RBFOX1: variants seen among roughly 807,000 people sequenced by gnomAD.
The protein encoded by RBFOX1 is RNA binding protein fox-1 homolog 1.
Under a neutral mutation model 57.7 loss-of-function variants are expected in RBFOX1, and 8 were observed. The observed-to-expected ratio is 0.14, with a 90% CI of 0.08 to 0.25. The LOEUF (loss-of-function observed/expected upper bound fraction) is 0.25. Ranked by LOEUF, RBFOX1 falls within the 10% of genes least tolerant of loss-of-function variation. The pLI is 1.00. For synonymous variants in RBFOX1, 326 were observed against 222.4 expected (o/e 1.47, Z -4.15); for missense variants, 611 against 548.5 (o/e 1.11, Z -1.14).
At chr16:5,753,666 T>G (rs1293354010) in intron 3 of RBFOX1, among the ~76,000 whole-genome samples, 1 of 152,148 alleles carries the variant, frequency 6.6e-6, no homozygotes, top group East Asian at 1.9e-4. Flanking sequence ...AGGGAGTATT[T>G]ATACCACAGA....
At chr16:7,336,314 C>A (rs910042662) in intron 4 of RBFOX1, among the ~76,000 whole-genome samples, 2 of 152,130 alleles carry the variant, frequency 1.3e-5, no homozygotes, top group Non-Finnish European at 2.9e-5. Context: ...AAGTGTGGAC[C>A]CTCACCCCTC....
chr16:7,390,981 C>T (rs977910168), intron 4 of RBFOX1, among the ~76,000 whole-genome samples: 1 of 152,034 alleles, frequency 6.6e-6, no homozygotes, highest in Non-Finnish European at 1.5e-5. Context: ...AGGGAGTTTC[C>T]TGGAGGGTGT....
intron 3 of RBFOX1, among the ~76,000 whole-genome samples, chr16:5,628,418 G>A (rs2048406885): frequency 6.6e-6 from 1 of 152,142 alleles, no homozygotes; most frequent in African/African-American, 2.4e-5. Context: ...GGAGCTCTGA[G>A]TTTTGGGGAT....
intron 1 of RBFOX1, among the ~76,000 whole-genome samples, chr16:5,258,718 C>G (rs1043668774): frequency 1.3e-5 from 2 of 152,098 alleles, no homozygotes; most frequent in East Asian, 1.9e-4. Flanking sequence ...GAGTTCAAGA[C>G]CATCCTGACC....
intron 11 of RBFOX1, among the ~76,000 whole-genome samples, chr16:7,653,267 G>C (rs987415985): frequency 2.6e-5 from 4 of 152,080 alleles, no homozygotes; most frequent in African/African-American, 9.7e-5. Context: ...TTGGGAGGTG[G>C]AGACAGGAGG....
Position 6,204,673 on chromosome 16 carries a change from T to C in RBFOX1, c.-126-112322T>C, listed in dbSNP as rs146200039. The stretch of plus-strand genomic sequence containing the variant: ...TCCTTAAAATGAGCCATTTATGGGG[T>C]AAAGAAAAGCTGATCAAATTGAGAT... On this transcript the variant is annotated intron_variant, in intron 1 of 15. Coordinates refer to ENST00000550418, the MANE Select transcript of RBFOX1 (RefSeq NM_018723.4). Among the ~76,000 whole-genome samples the C allele has an allele frequency of 4.7e-3, 721 of 152,234 alleles. 3 individuals are homozygous for C. Among genetic ancestry groups the C allele is most frequent in the African/African-American group, 0.016 (680 of 41,552 alleles).
intron 1 of RBFOX1, among the ~76,000 whole-genome samples, chr16:6,137,889 C>T (rs1198930736): frequency 6.6e-6 from 1 of 152,106 alleles, no homozygotes; most frequent in African/African-American, 2.4e-5. Flanking sequence ...GGATCACAGA[C>T]ATGAACCCGT....
chr16:6,446,787 G>C (rs2094494966), intron 2 of RBFOX1, among the ~76,000 whole-genome samples: 1 of 152,086 alleles, frequency 6.6e-6, no homozygotes, highest in African/African-American at 2.4e-5. Flanking sequence ...AATAAGGGCT[G>C]AAAGAAAACC....
At chr16:6,632,713 C>G (rs1020646355) in intron 2 of RBFOX1, among the ~76,000 whole-genome samples, 4 of 152,218 alleles carry the variant, frequency 2.6e-5, no homozygotes, top group Admixed American at 6.5e-5. Flanking sequence ...CCAGGCCTAA[C>G]CAACCTGGAA....
intron 4 of RBFOX1, among the ~76,000 whole-genome samples, chr16:7,469,901 A>G (rs1035444799): frequency 3.3e-5 from 5 of 152,134 alleles, no homozygotes; most frequent in African/African-American, 9.7e-5. Context: ...TGACTACGCT[A>G]AGTACCTCAT....
chr16:6,272,191 A>C (rs949237336), intron 1 of RBFOX1, among the ~76,000 whole-genome samples: 3 of 152,180 alleles, frequency 2.0e-5, no homozygotes, highest in African/African-American at 7.2e-5. Flanking sequence ...TGAAGAGAAA[A>C]ATCATTCACC....
At chr16:6,734,997 T>A (rs1345565774) in intron 3 of RBFOX1, among the ~76,000 whole-genome samples, 1 of 152,102 alleles carries the variant, frequency 6.6e-6, no homozygotes, top group Non-Finnish European at 1.5e-5. Flanking sequence ...TAAAGTAGCC[T>A]GTTGTGGTAG....
intron 3 of RBFOX1, among the ~76,000 whole-genome samples, chr16:6,668,153 C>T (rs569736068): frequency 6.1e-4 from 93 of 152,254 alleles, no homozygotes; most frequent in Admixed American, 1.6e-3. Flanking sequence ...GAGTTGAGAG[C>T]ATAAGTAAAG....
chr16:5,821,288 C>CTTTTTTTTTTTTTTTTTTTTTTTTTTT lies in RBFOX1; in HGVS notation c.319-46008_319-46007insTTTTTTTTTTTTTTTTTTTTTTTTTTT, dbSNP rs748095632. ...GGAAGTGGGCTGTCTGTCATTCTCT[C>CTTTTTTTTTTTTTTTTTTTTTTTTTTT]TTTTTTTATTTTTTTTTTTTTTTTT... On this transcript the variant is annotated intron_variant, in intron 3 of 19. Coordinates refer to the RBFOX1 transcript ENST00000641259. 1.6e-5 allele frequency among the ~76,000 whole-genome samples: 2 copies of CTTTTTTTTTTTTTTTTTTTTTTTTTTT among 125,450 alleles called. 1 individual carries two copies. 82.3% of individuals were successfully genotyped at this position (125,450 alleles called of 152,430 possible).
chr16:6,972,826 A>G (rs1043238690), intron 3 of RBFOX1, among the ~76,000 whole-genome samples: 8 of 152,078 alleles, frequency 5.3e-5, no homozygotes, highest in Non-Finnish European at 1.0e-4. Context: ...TTTTTTCAAT[A>G]AAACCAGAGA....
chr16:5,689,671 C>T (rs2151456023), intron 3 of RBFOX1, among the ~76,000 whole-genome samples: 1 of 152,202 alleles, frequency 6.6e-6, no homozygotes, highest in East Asian at 1.9e-4. Context: ...TTCACTTATT[C>T]AGTCATTCGT....
At chr16:6,767,305 G>T (rs1048879455) in intron 3 of RBFOX1, among the ~76,000 whole-genome samples, 10 of 151,986 alleles carry the variant, frequency 6.6e-5, no homozygotes, top group African/African-American at 2.4e-4. Flanking sequence ...TGTTAAAGCT[G>T]TTAGAGACTG....
intron 4 of RBFOX1, among the ~76,000 whole-genome samples, chr16:7,405,123 C>T (rs968698381): frequency 6.6e-6 from 1 of 152,202 alleles, no homozygotes; most frequent in Non-Finnish European, 1.5e-5. Flanking sequence ...TGGGCCCATC[C>T]TAGAGAAAAA....
At position 5,537,517 on chromosome 16, in the gene RBFOX1, G is replaced by T. The variant is rs542746883; in HGVS notation, c.259-61385G>T. On this transcript the variant is annotated intron_variant, in intron 2 of 2. Transcript: ENST00000585867. ...GAACTTCCTTACTGGAGGCTGGAGG[G>T]GGGAATCTGTTTCCTTGCTTATATG... Among the ~76,000 whole-genome samples the T allele has an allele frequency of 3.9e-5, 6 of 152,308 alleles. No homozygotes were observed. In the South Asian group the frequency reaches 1.2e-3, roughly 32 times the overall value.
Sources: gnomAD v4.1 joint callset for allele counts (sites outside exome capture counted in the v4.1 genomes callset) on GRCh38, gnomAD v4.1.1 for gene constraint, MANE v1.5 for transcripts, NCBI Gene and HGNC (gene_info 2026-07-23, HGNC 2026-07-21) for gene names.